Variants in DIAPH3 observed in about 807,000 individuals in gnomAD.
DIAPH3 encodes the protein diaphanous related formin 3.
Under a neutral mutation model 144.3 loss-of-function variants are expected in DIAPH3, and 117 were observed. That is an observed-to-expected ratio of 0.81 (90% CI 0.70 to 0.95). The LOEUF (loss-of-function observed/expected upper bound fraction) is 0.95. DIAPH3 is among the 40% of genes least tolerant of loss of function. The pLI is 0.00. For synonymous variants in DIAPH3, 519 were observed against 488.9 expected (o/e 1.06, Z -0.81); for missense variants, 1,421 against 1,412.7 (o/e 1.01, Z -0.09).
At chr13:59,977,992 T>A (rs1435071654) in intron 14 of DIAPH3, among the ~76,000 whole-genome samples, 1 of 151,740 alleles carries the variant, frequency 6.6e-6, no homozygotes, top group African/African-American at 2.4e-5. Context: ...AGATTAGACA[T>A]CACTTCCTTG....
At chr13:59,950,109 C>G (rs2049022763) in intron 17 of DIAPH3, among the ~76,000 whole-genome samples, 1 of 149,456 alleles carries the variant, frequency 6.7e-6, no homozygotes, top group Non-Finnish European at 1.5e-5. Context: ...TGTTATGTCT[C>G]CATTTAAAAC....
intron 19 of DIAPH3, among the ~76,000 whole-genome samples, chr13:59,913,909 G>A (rs1181894757): frequency 2.0e-5 from 3 of 151,734 alleles, no homozygotes; most frequent in East Asian, 1.9e-4. Context: ...AGTAAGCCGA[G>A]ATCGCACCAT....
intron 25 of DIAPH3, among the ~76,000 whole-genome samples, chr13:59,788,344 C>T (rs190018825): frequency 1.1e-4 from 16 of 152,208 alleles, no homozygotes; most frequent in African/African-American, 3.4e-4. Context: ...TTGTGGCCAT[C>T]TGTGGTGGCT....
In DIAPH3 at chr13:59,933,038, G is replaced by A. The variant is rs1299545656; in HGVS notation, c.2075-8168C>T. Among the ~76,000 whole-genome samples, 6 of 152,284 alleles carry A rather than the reference G, an allele frequency of 3.9e-5. No homozygotes were observed. The South Asian group carries it at 8.3e-4, about 21-fold the overall frequency. Reference sequence around the variant, plus strand: ...TTATGCAAAGACCACTGATAAAGCCGCACATAAATGTTGGCAACAATAAGG... The same window carrying A: ...TTATGCAAAGACCACTGATAAAGCCACACATAAATGTTGGCAACAATAAGG... On this transcript the variant is annotated intron_variant, in intron 17 of 27. Coordinates refer to ENST00000400324, the MANE Select transcript of DIAPH3 (RefSeq NM_001042517.2).
At chr13:60,009,949 C>T (rs779412670) in intron 8 of DIAPH3, among the ~76,000 whole-genome samples, 2 of 152,082 alleles carry the variant, frequency 1.3e-5, no homozygotes, top group Non-Finnish European at 2.9e-5. Flanking sequence ...TTTTAAAAAT[C>T]TTTATCTTTA....
chr13:60,121,251 T>C (rs1311694127), intron 2 of DIAPH3, among the ~76,000 whole-genome samples: 1 of 151,946 alleles, frequency 6.6e-6, no homozygotes, highest in Non-Finnish European at 1.5e-5. Flanking sequence ...TTTTCCTATA[T>C]GCATAACTGA....
At chr13:59,723,959 T>TTA (rs1249864430) in intron 27 of DIAPH3, among the ~76,000 whole-genome samples, 1 of 133,792 alleles carries the variant, frequency 7.5e-6, no homozygotes, top group Admixed American at 7.6e-5. Flanking sequence ...TGTTAAAAGT[T>TTA]AAAAAAAAAA....
chr13:59,938,712 G>A (rs1178400935), intron 17 of DIAPH3, among the ~76,000 whole-genome samples: 1 of 152,116 alleles, frequency 6.6e-6, no homozygotes, highest in Non-Finnish European at 1.5e-5. Context: ...TTCCCTAGTA[G>A]TATAAGGAGG....
At chr13:59,907,627 C>T (rs1257845060) in intron 20 of DIAPH3, among the ~76,000 whole-genome samples, 1 of 152,116 alleles carries the variant, frequency 6.6e-6, no homozygotes. Context: ...ACTACTTTAC[C>T]CCACTCATGG....
At chr13:60,062,688 T>C (rs1348529510) in intron 4 of DIAPH3, among the ~76,000 whole-genome samples, 1 of 152,154 alleles carries the variant, frequency 6.6e-6, no homozygotes, top group Non-Finnish European at 1.5e-5. Flanking sequence ...ACCATGATAA[T>C]AAAGCAGATA....
At chr13:59,989,250 A>G (rs2051642244) in intron 12 of DIAPH3, among the ~76,000 whole-genome samples, 1 of 151,940 alleles carries the variant, frequency 6.6e-6, no homozygotes, top group South Asian at 2.1e-4. Context: ...GTGTACACCA[A>G]CAAGAGTAAG....
intron 5 of DIAPH3, among the ~76,000 whole-genome samples, chr13:60,026,176 C>T (rs17057528): frequency 0.28 from 42,775 of 151,902 alleles, 6,556 homozygotes; most frequent in African/African-American, 0.39. Flanking sequence ...CTGCTCCCAC[C>T]AGAACCAGTT....
intron 3 of DIAPH3, among the ~76,000 whole-genome samples, chr13:60,095,648 C>A (rs1413348592): frequency 1.3e-5 from 2 of 151,640 alleles, no homozygotes; most frequent in African/African-American, 4.8e-5. Context: ...CTGTCTGGAC[C>A]AGTTTCTGTT....
chr13:60,121,913 C>G (rs898761398), intron 2 of DIAPH3, among the ~76,000 whole-genome samples: 2 of 152,172 alleles, frequency 1.3e-5, no homozygotes, highest in African/African-American at 4.8e-5. Context: ...TCTCTACTGT[C>G]GCTAGCTCAG....
chr13:59,981,114 T>A (rs752736556), intron 13 of DIAPH3, among the ~76,000 whole-genome samples: 1 of 151,322 alleles, frequency 6.6e-6, no homozygotes, highest in Non-Finnish European at 1.5e-5. Flanking sequence ...AGATGTTCAA[T>A]TGTAATAACA....
At chr13:59,870,510 A>G (rs2044193490) in intron 21 of DIAPH3, among the ~76,000 whole-genome samples, 1 of 152,102 alleles carries the variant, frequency 6.6e-6, no homozygotes, top group South Asian at 2.1e-4. Context: ...TATCCATAAA[A>G]TAACTTGCTG....
At chr13:59,863,013 A>C (rs569249776) in intron 21 of DIAPH3, among the ~76,000 whole-genome samples, 2 of 152,278 alleles carry the variant, frequency 1.3e-5, no homozygotes, top group East Asian at 1.9e-4. Context: ...AATTAACATA[A>C]ACAGGTATGT....
rs147551081 is a variant in DIAPH3, at chr13:59,741,016, A to G, written c.3319+33173T>C. Among the ~76,000 whole-genome samples, 79 of 152,304 alleles carry G rather than the reference A, an allele frequency of 5.2e-4. No homozygotes were observed. In the East Asian group the frequency reaches 0.01, roughly 20 times the overall value. On this transcript the variant is annotated intron_variant, in intron 27 of 27. Coordinates refer to ENST00000400324, the MANE Select transcript of DIAPH3 (RefSeq NM_001042517.2). ...TAAGTGGTGACCTGGAATTGTAGGAAACCAAGGTGACTAGTTATTTGTTCT... is the reference window on the plus strand; with the variant it reads ...TAAGTGGTGACCTGGAATTGTAGGAGACCAAGGTGACTAGTTATTTGTTCT...
chr13:60,143,412 C>A (rs937530158), intron 1 of DIAPH3, among the ~76,000 whole-genome samples: 2 of 152,148 alleles, frequency 1.3e-5, no homozygotes, highest in Non-Finnish European at 2.9e-5. Flanking sequence ...AATTTCTTAA[C>A]TGTACTATGA....
Sources: allele counts gnomAD v4.1 joint callset (sites outside exome capture counted in the v4.1 genomes callset), GRCh38; gene constraint gnomAD v4.1.1; transcripts MANE v1.5; gene names NCBI Gene and HGNC (gene_info 2026-07-23, HGNC 2026-07-21).